The following PABPC4L variants were observed in gnomAD, a reference collection of about 807,000 sequenced individuals.
PABPC4L encodes the protein polyadenylate-binding protein 4-like.
For synonymous variants in PABPC4L, 169 were observed against 164.1 expected (o/e 1.03, Z -0.23); for missense variants, 452 against 451.4 (o/e 1.00, Z -0.01).
chr4:133,966,635 G>A, the PABPC4L span, among the ~76,000 whole-genome samples: 1 of 152,160 alleles, frequency 6.6e-6, no homozygotes. Flanking sequence ...CCATAAAAAA[G>A]CATGAATTAA....
the PABPC4L span, among the ~76,000 whole-genome samples, chr4:134,023,647 T>A: frequency 6.6e-6 from 1 of 152,118 alleles, no homozygotes; most frequent in African/African-American, 2.4e-5. Context: ...TTATGAATTA[T>A]ATTTTTTTAA....
the PABPC4L span, among the ~76,000 whole-genome samples, chr4:134,054,248 A>G: frequency 1.7e-5 from 1 of 57,906 alleles, no homozygotes; most frequent in African/African-American, 7.2e-5. Flanking sequence ...CTTTAGTTGT[A>G]TATGTATATA....
At chr4:133,987,616 A>C in the PABPC4L span, among the ~76,000 whole-genome samples, 7 of 152,168 alleles carry the variant, frequency 4.6e-5, no homozygotes, top group African/African-American at 1.7e-4. Context: ...GTGGGATCTA[A>C]ATTTATAAAA....
chr4:134,188,505 C>T, the PABPC4L span, among the ~76,000 whole-genome samples: 4 of 152,056 alleles, frequency 2.6e-5, no homozygotes, highest in Non-Finnish European at 4.4e-5. Context: ...AACAAATTCT[C>T]TCAATTTTTT....
At chr4:134,085,956 T>C in the PABPC4L span, among the ~76,000 whole-genome samples, 6 of 152,154 alleles carry the variant, frequency 3.9e-5, no homozygotes, top group Non-Finnish European at 8.8e-5. Flanking sequence ...AAATATGTTC[T>C]GCTATAAAAC....
At chr4:134,126,437 T>C in the PABPC4L span, among the ~76,000 whole-genome samples, 1 of 152,118 alleles carries the variant, frequency 6.6e-6, no homozygotes, top group Non-Finnish European at 1.5e-5. Flanking sequence ...AGATTATGTA[T>C]CTGGATCTTT....
At chr4:134,093,922 G>A in the PABPC4L span, among the ~76,000 whole-genome samples, 4 of 151,212 alleles carry the variant, frequency 2.6e-5, no homozygotes, top group Non-Finnish European at 5.9e-5. Flanking sequence ...AATATAATGT[G>A]TATTTATGTA....
the PABPC4L span, among the ~76,000 whole-genome samples, chr4:134,090,572 C>T: frequency 2.6e-5 from 4 of 151,726 alleles, no homozygotes; most frequent in African/African-American, 7.3e-5. Flanking sequence ...GGAGACCAGC[C>T]GAGGCAACAT....
the PABPC4L span, among the ~76,000 whole-genome samples, chr4:134,175,441 T>TAATC: frequency 1.3e-5 from 2 of 152,016 alleles, no homozygotes; most frequent in Admixed American, 6.6e-5. Context: ...ATTAATTAAT[T>TAATC]AATCAATCAA....
At chr4:134,153,560 C>T in the PABPC4L span, among the ~76,000 whole-genome samples, 2 of 152,070 alleles carry the variant, frequency 1.3e-5, no homozygotes, top group Non-Finnish European at 2.9e-5. Flanking sequence ...GTCACCTTAG[C>T]TAAAGGCCGT....
At chr4:134,025,268 T>A in the PABPC4L span, among the ~76,000 whole-genome samples, 1 of 135,466 alleles carries the variant, frequency 7.4e-6, no homozygotes, top group Non-Finnish European at 1.5e-5. Context: ...GGGAGGCCAC[T>A]GCACTCCAGC....
the PABPC4L span, among the ~76,000 whole-genome samples, chr4:134,077,652 T>C: frequency 6.6e-6 from 1 of 152,116 alleles, no homozygotes; most frequent in Non-Finnish European, 1.5e-5. Flanking sequence ...TAAGGACCAA[T>C]CATAAGTCCC....
chr4:134,176,159 T>A, the PABPC4L span, among the ~76,000 whole-genome samples: 1 of 152,150 alleles, frequency 6.6e-6, no homozygotes, highest in Non-Finnish European at 1.5e-5. Flanking sequence ...AATTATTCTC[T>A]TAAATACATG....
chr4:134,024,622 C>T, the PABPC4L span, among the ~76,000 whole-genome samples: 1 of 152,086 alleles, frequency 6.6e-6, no homozygotes, highest in Non-Finnish European at 1.5e-5. Context: ...AAGGCCCTTT[C>T]TCCAACTCTC....
the PABPC4L span, among the ~76,000 whole-genome samples, chr4:134,102,697 A>G: frequency 6.6e-6 from 1 of 151,626 alleles, no homozygotes; most frequent in South Asian, 2.1e-4. Flanking sequence ...TAAGTGATCT[A>G]TTTCTCATAT....
the PABPC4L span, among the ~76,000 whole-genome samples, chr4:134,137,000 A>G: frequency 6.6e-6 from 1 of 151,982 alleles, no homozygotes; most frequent in African/African-American, 2.4e-5. Context: ...TTTAGAACAA[A>G]TGGGCTATGC....
chr4:134,052,578 C>T, the PABPC4L span, among the ~76,000 whole-genome samples: 6 of 151,750 alleles, frequency 4.0e-5, no homozygotes, highest in South Asian at 2.1e-4. Flanking sequence ...AATCTCTTGT[C>T]GGTTCATTTC....
chr4:134,031,006 C>T, the PABPC4L span, among the ~76,000 whole-genome samples: 2 of 152,038 alleles, frequency 1.3e-5, no homozygotes, highest in African/African-American at 2.4e-5. Context: ...ATTTCATGCA[C>T]ATGCAGACAT....
chr4:134,155,412 T>TCTCACACA, the PABPC4L span, among the ~76,000 whole-genome samples: 3 of 146,992 alleles, frequency 2.0e-5, no homozygotes, highest in South Asian at 2.2e-4. Flanking sequence ...CTCTCCCAGT[T>TCTCACACA]CACACACACA....
Sources: allele counts gnomAD v4.1 joint callset (sites outside exome capture counted in the v4.1 genomes callset), GRCh38; gene constraint gnomAD v4.1.1; transcripts MANE v1.5; gene names NCBI Gene and HGNC (gene_info 2026-07-23, HGNC 2026-07-21).